Variants in FSTL5 observed in about 807,000 individuals in gnomAD.
FSTL5 encodes the protein follistatin-related protein 5.
A neutral mutation model predicts 89.1 loss-of-function variants in FSTL5; 62 were observed. The observed-to-expected ratio is 0.70, with a 90% CI of 0.57 to 0.86. The LOEUF is 0.86. FSTL5 is among the 40% of genes least tolerant of loss of function. The pLI is 0.00. For missense variants in FSTL5, 1,057 were observed against 1,001.6 expected (o/e 1.06, Z -0.75); for synonymous variants, 383 against 346.2 (o/e 1.11, Z -1.18).
At chr4:162,010,259 C>T (rs1331077734) in intron 3 of FSTL5, among the ~76,000 whole-genome samples, 1 of 151,910 alleles carries the variant, frequency 6.6e-6, no homozygotes, top group Non-Finnish European at 1.5e-5. Flanking sequence ...TTAAAGCACT[C>T]TGAGATGATA....
intron 3 of FSTL5, among the ~76,000 whole-genome samples, chr4:161,932,310 A>G (rs556649326): frequency 6.6e-6 from 1 of 151,966 alleles, no homozygotes; most frequent in East Asian, 1.9e-4. Flanking sequence ...TCCACCCATA[A>G]CAAGAGACTA....
chr4:161,478,947 A>C (rs1729403152), intron 13 of FSTL5, among the ~76,000 whole-genome samples: 2 of 152,152 alleles, frequency 1.3e-5, no homozygotes, highest in Non-Finnish European at 2.9e-5. Context: ...CAGATTGTGA[A>C]TATCATACAT....
intron 15 of FSTL5, among the ~76,000 whole-genome samples, chr4:161,393,240 T>G (rs972059917): frequency 5.3e-5 from 8 of 151,808 alleles, no homozygotes; most frequent in Admixed American, 5.3e-4. Context: ...ATTTTATACA[T>G]GCAAGAGAGA....
At chr4:161,826,995 G>C (rs1301302866) in intron 4 of FSTL5, among the ~76,000 whole-genome samples, 1 of 151,866 alleles carries the variant, frequency 6.6e-6, no homozygotes, top group Non-Finnish European at 1.5e-5. Context: ...TGAGATTTAT[G>C]CTTTAAAGAT....
At chr4:161,804,009 C>A (rs1253797691) in intron 4 of FSTL5, among the ~76,000 whole-genome samples, 2 of 151,954 alleles carry the variant, frequency 1.3e-5, no homozygotes, top group Non-Finnish European at 2.9e-5. Context: ...CTTTGTTTTG[C>A]TCTGGAGTCT....
intron 4 of FSTL5, among the ~76,000 whole-genome samples, chr4:161,814,938 G>C (rs964964684): frequency 6.6e-6 from 1 of 151,988 alleles, no homozygotes; most frequent in African/African-American, 2.4e-5. Flanking sequence ...TAAGTGCATA[G>C]ATGCCAACTA....
chr4:162,050,946 G>C (rs943527222), intron 2 of FSTL5, among the ~76,000 whole-genome samples: 2 of 151,448 alleles, frequency 1.3e-5, no homozygotes, highest in African/African-American at 4.8e-5. Flanking sequence ...TTGTAGAGGA[G>C]AGAAATAAAA....
At chr4:161,596,288 A>G (rs1476899321) in intron 7 of FSTL5, among the ~76,000 whole-genome samples, 1 of 151,902 alleles carries the variant, frequency 6.6e-6, no homozygotes, top group Non-Finnish European at 1.5e-5. Flanking sequence ...TCCCTAAAGT[A>G]AATCATTTTA....
chr4:161,761,282 C>A (rs1436846685), intron 5 of FSTL5, among the ~76,000 whole-genome samples: 1 of 152,110 alleles, frequency 6.6e-6, no homozygotes, highest in East Asian at 1.9e-4. Context: ...TACAATTTTT[C>A]TATTTAGAAA....
chr4:161,730,441 T>C, intron 6 of FSTL5, among the ~76,000 whole-genome samples: 1 of 151,982 alleles, frequency 6.6e-6, no homozygotes, highest in East Asian at 1.9e-4. Context: ...TTATTTTATT[T>C]AACATAGAAT....
At chr4:162,082,139 C>A (rs1025093542) in intron 2 of FSTL5, among the ~76,000 whole-genome samples, 5 of 151,644 alleles carry the variant, frequency 3.3e-5, no homozygotes, top group African/African-American at 1.2e-4. Flanking sequence ...CTATCTGATT[C>A]TTGTGCCTTT....
At chr4:161,778,956 T>A (rs1295446125) in intron 4 of FSTL5, among the ~76,000 whole-genome samples, 1 of 152,188 alleles carries the variant, frequency 6.6e-6, no homozygotes, top group African/African-American at 2.4e-5. Flanking sequence ...TGACCCTGGG[T>A]CTGTATTGCC....
chr4:161,626,654 T>C (rs1403356806), intron 7 of FSTL5, among the ~76,000 whole-genome samples: 3 of 152,186 alleles, frequency 2.0e-5, no homozygotes, highest in Non-Finnish European at 4.4e-5. Context: ...AGTCTTATTA[T>C]TTAAGAAACA....
chr4:162,064,639 T>C (rs1738829257), intron 2 of FSTL5, among the ~76,000 whole-genome samples: 1 of 152,046 alleles, frequency 6.6e-6, no homozygotes, highest in Non-Finnish European at 1.5e-5. Flanking sequence ...ACAATTCTGG[T>C]TTCCAGCTTG....
At chr4:161,506,273 A>G (rs904777859) in intron 11 of FSTL5, among the ~76,000 whole-genome samples, 1 of 151,248 alleles carries the variant, frequency 6.6e-6, no homozygotes, top group Non-Finnish European at 1.5e-5. Context: ...GGTTTTTGCT[A>G]TATTGCCTAG....
chr4:161,654,672 G>A (rs1367394769), intron 7 of FSTL5, among the ~76,000 whole-genome samples: 1 of 152,052 alleles, frequency 6.6e-6, no homozygotes, highest in Non-Finnish European at 1.5e-5. Flanking sequence ...TAGGAGTTTG[G>A]GCTTGCATCT....
At chr4:162,049,768 G>A (rs1420131509) in intron 2 of FSTL5, among the ~76,000 whole-genome samples, 1 of 151,980 alleles carries the variant, frequency 6.6e-6, no homozygotes, top group Non-Finnish European at 1.5e-5. Flanking sequence ...AAGGCAACAC[G>A]AACAACTTAA....
chr4:161,733,863 A>T (rs1739698896), intron 6 of FSTL5, among the ~76,000 whole-genome samples: 1 of 151,910 alleles, frequency 6.6e-6, no homozygotes, highest in Admixed American at 6.6e-5. Flanking sequence ...AAATGTAGGG[A>T]GTTGTAGGAG....
intron 8 of FSTL5, among the ~76,000 whole-genome samples, chr4:161,556,773 T>A (rs2126564831): frequency 6.6e-6 from 1 of 150,534 alleles, no homozygotes; most frequent in Admixed American, 6.7e-5. Flanking sequence ...CGGGTTATAG[T>A]CATCCATATT....
Sources: allele counts gnomAD v4.1 joint callset (sites outside exome capture counted in the v4.1 genomes callset), GRCh38; gene constraint gnomAD v4.1.1; transcripts MANE v1.5; gene names NCBI Gene and HGNC (gene_info 2026-07-23, HGNC 2026-07-21).